KCNH8: variants seen among roughly 807,000 people sequenced by gnomAD.
KCNH8 encodes the protein potassium voltage-gated channel subfamily H member 8.
In KCNH8, 70 loss-of-function variants were observed where a neutral mutation model predicts 103.6. The ratio of observed to expected loss-of-function variants is 0.68; its 90% CI spans 0.56 to 0.82. The LOEUF (loss-of-function observed/expected upper bound fraction) is 0.82, where lower values mean the gene tolerates loss of function less well. Among genes scored for constraint, KCNH8 ranks in the 40% least tolerant of loss-of-function variants. KCNH8 has a pLI of 0.00. For missense variants in KCNH8, 1,217 were observed against 1,329.9 expected, an observed-to-expected ratio of 0.92 and a Z score of 1.32; for synonymous variants, 498 against 489.4, an observed-to-expected ratio of 1.02 and a Z score of -0.23.
intron 11 of KCNH8, among the ~76,000 whole-genome samples, chr3:19,485,027 A>AC (rs2068175271): frequency 6.6e-6 from 1 of 152,064 alleles, no homozygotes; most frequent in African/African-American, 2.4e-5. Flanking sequence ...CTTTTTTAAA[A>AC]CTATTTTTGA....
chr3:19,350,397 G>A (rs187402633), intron 5 of KCNH8, among the ~76,000 whole-genome samples: 1 of 152,210 alleles, frequency 6.6e-6, no homozygotes, highest in Non-Finnish European at 1.5e-5. Flanking sequence ...CCAGCATGGA[G>A]TTTGAGATCT....
chr3:19,350,909 C>G (rs932295468), intron 5 of KCNH8, among the ~76,000 whole-genome samples: 13 of 152,164 alleles, frequency 8.5e-5, no homozygotes, highest in South Asian at 6.2e-4. Flanking sequence ...AAGACGGCTT[C>G]AGACAATCGG....
intron 5 of KCNH8, among the ~76,000 whole-genome samples, chr3:19,367,496 G>A (rs2066029882): frequency 6.9e-6 from 1 of 145,376 alleles, no homozygotes; most frequent in African/African-American, 2.6e-5. Flanking sequence ...TAAACTTTGA[G>A]CTCTCAGAGA....
chr3:19,441,661 C>G (rs2067286333), intron 8 of KCNH8, among the ~76,000 whole-genome samples: 1 of 152,114 alleles, frequency 6.6e-6, no homozygotes, highest in Non-Finnish European at 1.5e-5. Flanking sequence ...CTACCTTGAT[C>G]AAGTAAGCAT....
At chr3:19,222,699 G>A (rs1490506495) in intron 1 of KCNH8, among the ~76,000 whole-genome samples, 1 of 152,014 alleles carries the variant, frequency 6.6e-6, no homozygotes, top group East Asian at 1.9e-4. Context: ...AAACTTTCCA[G>A]ATCTAGTGTA....
intron 7 of KCNH8, among the ~76,000 whole-genome samples, chr3:19,407,388 G>A (rs1479867125): frequency 1.3e-5 from 2 of 152,030 alleles, no homozygotes; most frequent in Non-Finnish European, 2.9e-5. Flanking sequence ...TCAGCAACCT[G>A]AGCTGCCCCA....
At chr3:19,258,937 CTCTCTCTCTCTATATATATA>C (rs1410286350) in intron 2 of KCNH8, among the ~76,000 whole-genome samples, 27 of 80,056 alleles carry the variant, frequency 3.4e-4, no homozygotes, top group African/African-American at 1.4e-3. Context: ...CTCTCTCTCT[CTCTCTCTCTCTATATATATA>C]TATATATATA....
chr3:19,414,925 C>T (rs2066839761), intron 7 of KCNH8, among the ~76,000 whole-genome samples: 1 of 151,928 alleles, frequency 6.6e-6, no homozygotes, highest in African/African-American at 2.4e-5. Flanking sequence ...AAATTATTGT[C>T]TTAACATTTT....
At chr3:19,253,093 A>G (rs2064299893) in intron 1 of KCNH8, among the ~76,000 whole-genome samples, 1 of 152,154 alleles carries the variant, frequency 6.6e-6, no homozygotes, top group Non-Finnish European at 1.5e-5. Context: ...CAATTATTTC[A>G]GGACCCATGT....
intron 11 of KCNH8, among the ~76,000 whole-genome samples, chr3:19,490,730 G>A (rs1294982181): frequency 6.6e-6 from 1 of 152,106 alleles, no homozygotes; most frequent in Non-Finnish European, 1.5e-5. Flanking sequence ...TCATCTCCCT[G>A]GGCAATAGTG....
rs140360550 is a variant in KCNH8 at position 19,194,472 on chromosome 3, C to A, written c.76+45677C>A. On this transcript the variant is annotated intron_variant, in intron 1 of 15. Coordinates refer to ENST00000328405, the MANE Select transcript of KCNH8 (RefSeq NM_144633.3). Reference sequence around the variant, plus strand: ...TACTTCTGTTTTCTTTCTGCTCTACCATGATTAAATCCCTAATGAAAGAAG... The same window carrying A: ...TACTTCTGTTTTCTTTCTGCTCTACAATGATTAAATCCCTAATGAAAGAAG... Among the ~76,000 whole-genome samples, 3 of 151,890 alleles carry A rather than the reference C, an allele frequency of 2.0e-5. No homozygotes were observed. In the East Asian group the frequency reaches 5.8e-4, roughly 29 times the overall value.
chr3:19,483,707 C>T (rs534437924), intron 11 of KCNH8, among the ~76,000 whole-genome samples: 1 of 152,102 alleles, frequency 6.6e-6, no homozygotes, highest in Non-Finnish European at 1.5e-5. Context: ...CTCAGGAGAG[C>T]GTTTGTAAAC....
chr3:19,149,153 A>G (rs2063104029), intron 1 of KCNH8, among the ~76,000 whole-genome samples: 1 of 152,122 alleles, frequency 6.6e-6, no homozygotes. Flanking sequence ...TAATCTTTCT[A>G]GAGTTTCAAG....
chr3:19,504,968 TA>T (rs892781123), intron 11 of KCNH8, among the ~76,000 whole-genome samples: 17 of 149,212 alleles, frequency 1.1e-4, no homozygotes, highest in African/African-American at 3.7e-4. Context: ...AAATGTGAGA[TA>T]TATATATATA....
At chr3:19,349,940 G>A (rs2065777353) in intron 5 of KCNH8, among the ~76,000 whole-genome samples, 1 of 151,966 alleles carries the variant, frequency 6.6e-6, no homozygotes, top group South Asian at 2.1e-4. Flanking sequence ...TTTTTTTGGT[G>A]TTTACTTTCT....
At chr3:19,478,394 C>A (rs2068020014) in intron 11 of KCNH8, among the ~76,000 whole-genome samples, 1 of 151,976 alleles carries the variant, frequency 6.6e-6, no homozygotes, top group Admixed American at 6.6e-5. Context: ...GTTTACCCAC[C>A]AACAATGTAT....
At chr3:19,528,999 A>C (rs2125252931) in intron 15 of KCNH8, among the ~76,000 whole-genome samples, 1 of 152,214 alleles carries the variant, frequency 6.6e-6, no homozygotes, top group East Asian at 1.9e-4. Flanking sequence ...TTGAAGGAGA[A>C]GATTTTCTTG....
intron 1 of KCNH8, among the ~76,000 whole-genome samples, chr3:19,154,378 T>C (rs569152513): frequency 5.3e-5 from 8 of 152,266 alleles, no homozygotes; most frequent in African/African-American, 1.9e-4. Context: ...ATAAAAGATC[T>C]TTAAACCCAC....
intron 1 of KCNH8, among the ~76,000 whole-genome samples, chr3:19,209,342 G>A (rs1035712753): frequency 3.9e-5 from 6 of 152,012 alleles, no homozygotes; most frequent in African/African-American, 1.4e-4. Context: ...CTTTTCTCAT[G>A]TAGGAAAATG....
Sources: gnomAD v4.1 joint callset for allele counts (sites outside exome capture counted in the v4.1 genomes callset) on GRCh38, gnomAD v4.1.1 for gene constraint, MANE v1.5 for transcripts, NCBI Gene and HGNC (gene_info 2026-07-23, HGNC 2026-07-21) for gene names.